The following ERG variants were observed in gnomAD, a reference collection of about 807,000 sequenced individuals.
ERG encodes transcriptional regulator ERG.
Under a neutral mutation model 55.3 loss-of-function variants are expected in ERG, and 9 were observed. The observed-to-expected ratio is 0.16, with a 90% CI of 0.10 to 0.28. ERG has a LOEUF of 0.28. Ranked by LOEUF, ERG falls within the 10% of genes least tolerant of loss-of-function variation. The pLI, the probability that ERG is intolerant of heterozygous loss-of-function variation, is 1.00. For missense variants in ERG, 434 were observed against 631.6 expected, an observed-to-expected ratio of 0.69 and a Z score of 3.35; for synonymous variants, 223 against 237.3, an observed-to-expected ratio of 0.94 and a Z score of 0.55.
At chr21:38,428,191 CAA>C (rs764019746) in intron 2 of ERG, among the ~76,000 whole-genome samples, 47 of 138,730 alleles carry the variant, frequency 3.4e-4, no homozygotes, top group Non-Finnish European at 9.6e-5. Context: ...AAAAAAAAAA[CAA>C]AAGAGAGAAA....
intron 1 of ERG, among the ~76,000 whole-genome samples, chr21:38,636,573 G>A (rs56350348): frequency 0.014 from 2,159 of 152,326 alleles, 55 homozygotes; most frequent in African/African-American, 0.049. Context: ...TGTGGGTGAA[G>A]AGCAGATGAA....
At chr21:38,521,400 CAA>C (rs2059593312) in intron 2 of ERG, among the ~76,000 whole-genome samples, 1 of 152,156 alleles carries the variant, frequency 6.6e-6, no homozygotes, top group African/African-American at 2.4e-5. Flanking sequence ...GACCTCAGAC[CAA>C]AGTCTTTCTA....
chr21:38,549,091 C>T (rs2059807342), intron 2 of ERG, among the ~76,000 whole-genome samples: 1 of 151,816 alleles, frequency 6.6e-6, no homozygotes, highest in Non-Finnish European at 1.5e-5. Flanking sequence ...CCAGCCTGGG[C>T]AACAGAGCAA....
At chr21:38,415,160 T>C (rs1989221584) in intron 3 of ERG, among the ~76,000 whole-genome samples, 2 of 152,212 alleles carry the variant, frequency 1.3e-5, no homozygotes. Context: ...AAGAACTGGG[T>C]TCGAATCCTG....
intron 2 of ERG, among the ~76,000 whole-genome samples, chr21:38,555,656 T>G (rs527607512): frequency 6.6e-6 from 1 of 152,096 alleles, no homozygotes; most frequent in African/African-American, 2.4e-5. Flanking sequence ...GAAGAAAAAT[T>G]CAAGTCCACA....
At chr21:38,404,572 G>A (rs376959403) in intron 3 of ERG, among the ~76,000 whole-genome samples, 75 of 152,296 alleles carry the variant, frequency 4.9e-4, no homozygotes, top group Middle Eastern at 3.4e-3. Flanking sequence ...TAAATGGGGC[G>A]GCTGCTCCCT....
chr21:38,397,084 G>A (rs1280417277), intron 6 of ERG, among the ~76,000 whole-genome samples: 1 of 152,068 alleles, frequency 6.6e-6, no homozygotes, highest in Non-Finnish European at 1.5e-5. Flanking sequence ...TACTAGGTAC[G>A]GGCATGCAAG....
intron 2 of ERG, among the ~76,000 whole-genome samples, chr21:38,540,252 A>C (rs1568896025): frequency 6.6e-6 from 1 of 152,216 alleles, no homozygotes. Flanking sequence ...TTCACATAAC[A>C]TGAAACTAAC....
At chr21:38,615,043 C>G (rs2060250403) in intron 1 of ERG, among the ~76,000 whole-genome samples, 1 of 152,180 alleles carries the variant, frequency 6.6e-6, no homozygotes, top group African/African-American at 2.4e-5. Flanking sequence ...CCATCCCAAG[C>G]AATTTCCTAA....
At chr21:38,611,608 C>T (rs925218207) in intron 1 of ERG, among the ~76,000 whole-genome samples, 1 of 152,208 alleles carries the variant, frequency 6.6e-6, no homozygotes, top group Non-Finnish European at 1.5e-5. Context: ...TCAGTCTTTC[C>T]ATGACTGTCA....
intron 3 of ERG, among the ~76,000 whole-genome samples, chr21:38,412,999 C>G (rs187742368): frequency 6.6e-6 from 1 of 152,172 alleles, no homozygotes; most frequent in African/African-American, 2.4e-5. Flanking sequence ...CCTTAGAGTT[C>G]CTGGCACACA....
At chr21:38,374,415 T>C in the ERG span, among the ~76,000 whole-genome samples, 17,471 of 152,284 alleles carry the variant, frequency 0.11, 1,264 homozygotes, top group South Asian at 0.17. Flanking sequence ...ATTGACAATG[T>C]GGACTTCCCG....
intron 1 of ERG, among the ~76,000 whole-genome samples, chr21:38,601,905 G>A (rs1203055855): frequency 6.6e-6 from 1 of 151,982 alleles, no homozygotes; most frequent in African/African-American, 2.4e-5. Context: ...ATTTTGAGAT[G>A]GTGTCTCCCT....
chr21:38,456,114 C>A (rs1353249031), intron 1 of ERG, among the ~76,000 whole-genome samples: 2 of 152,200 alleles, frequency 1.3e-5, no homozygotes, highest in African/African-American at 4.8e-5. Context: ...TAGTAACATC[C>A]TCTTTCAGCC....
intron 1 of ERG, among the ~76,000 whole-genome samples, chr21:38,462,908 A>G (rs1329021672): frequency 6.6e-6 from 1 of 152,220 alleles, no homozygotes; most frequent in Non-Finnish European, 1.5e-5. Flanking sequence ...AAAGCGGACC[A>G]GGAAATGAGC....
upstream of ERG, among the ~76,000 whole-genome samples, chr21:38,589,329 A>C (rs2146891007): frequency 2.0e-5 from 3 of 152,356 alleles, no homozygotes; most frequent in Middle Eastern, 6.8e-3. Context: ...GAACACAGCC[A>C]CAGAGCAGCC....
At chr21:38,446,486 T>A (rs866900486) in intron 1 of ERG, among the ~76,000 whole-genome samples, 1 of 152,236 alleles carries the variant, frequency 6.6e-6, no homozygotes, top group Middle Eastern at 3.4e-3. Flanking sequence ...AACGGCAAGT[T>A]TGGGAAATTT....
chr21:38,392,624 G>A (rs951951162), intron 6 of ERG, among the ~76,000 whole-genome samples, 180 bp from the exon 7 acceptor site: 2 of 152,178 alleles, frequency 1.3e-5, no homozygotes, highest in Non-Finnish European at 2.9e-5. Flanking sequence ...ATATATTATA[G>A]TGGTCTAAAA....
intron 6 of ERG, chr21:38,400,309 C>G: frequency 3.5e-6 from 2 of 575,866 alleles, no homozygotes; most frequent in South Asian, 3.2e-5. Context: ...AACTGCCAGG[C>G]ATCCAGGATG....
Sources: allele counts gnomAD v4.1 joint callset (sites outside exome capture counted in the v4.1 genomes callset), GRCh38; gene constraint gnomAD v4.1.1; transcripts MANE v1.5; gene names NCBI Gene and HGNC (gene_info 2026-07-23, HGNC 2026-07-21).